Variants in NIPSNAP3B observed in about 807,000 individuals in gnomAD.
NIPSNAP3B encodes protein NipSnap homolog 3B.
A neutral mutation model predicts 31.5 loss-of-function variants in NIPSNAP3B; 30 were observed. That is an observed-to-expected ratio of 0.95 (90% CI 0.71 to 1.29). The LOEUF is 1.29. Among genes scored for constraint, NIPSNAP3B ranks in the 50% most tolerant of loss-of-function variants. The probability of loss-of-function intolerance (pLI) is 0.00; values close to 1 mark genes in which losing one functional copy is unlikely to be tolerated. For synonymous variants in NIPSNAP3B, 106 were observed against 107.9 expected (o/e 0.98, Z 0.11); for missense variants, 269 against 300.7 (o/e 0.89, Z 0.78).
At chr9:104,772,764 T>C (rs1324181721) in intron 4 of NIPSNAP3B, 58 bp from the exon 5 acceptor site, 44 of 1,539,224 alleles carry the variant, frequency 2.9e-5, no homozygotes, top group Non-Finnish European at 3.7e-5. Context: ...ACTTTTTCAA[T>C]ATTTCTTATT....
rs559479751 is a variant in NIPSNAP3B at position 104,768,791 on chromosome 9, G to C, written c.272-72G>C. Reference sequence around the variant, plus strand: ...TATGGCCTTGCACGTTTGCTGAACTGAGTAAAATTCAAGTAAAAATATGGG... The same window carrying C: ...TATGGCCTTGCACGTTTGCTGAACTCAGTAAAATTCAAGTAAAAATATGGG... On this transcript the variant is annotated intron_variant, in intron 2 of 5. Transcript: ENST00000374762. The C allele has an allele frequency of 1.5e-4, 211 of 1,397,194 alleles. No homozygotes were observed. In the African/African-American group the frequency reaches 2.9e-3, roughly 19 times the overall value. The allele number at this position is 1,397,194 out of a possible 1,614,324, so 86.5% of individuals were successfully genotyped here.
In NIPSNAP3B at chr9:104,769,453, CAAAAA is replaced by C. The variant is rs34083177; in HGVS notation, c.430+446_430+450del. Among the ~76,000 whole-genome samples the C allele has an allele frequency of 3.7e-5, 4 of 109,464 alleles. No individual in the cohort carries two copies. The South Asian group carries it at 9.1e-4, about 25-fold the overall frequency. 71.8% of individuals were successfully genotyped at this position (109,464 alleles called of 152,430 possible). ...TGGGCGACAGAGCGAGACTCCGTCT[CAAAAA>C]AAAAAAAAAAAAAGAGAATTAGAGT... is the stretch of plus-strand genomic sequence containing the variant. On this transcript the variant is annotated intron_variant, in intron 3 of 5. Transcript: ENST00000374762.
chr9:104,790,822 A>C, the NIPSNAP3B span: 1 of 840,216 alleles, frequency 1.2e-6, no homozygotes, highest in Non-Finnish European at 2.0e-6. Context: ...ATTTTTATGA[A>C]CTCTAAAAAT....
In NIPSNAP3B at chr9:104,768,986, T is replaced by TA. The variant is rs770788869; in HGVS notation, c.396dup (p.Pro133ThrfsTer15). On this transcript the variant is annotated frameshift_variant, in exon 3 of 6. Coordinates refer to ENST00000374762, the MANE Select transcript of NIPSNAP3B (RefSeq NM_018376.4). LOFTEE classifies it high-confidence loss of function. Reference sequence around the variant, plus strand: ...CAAGAGACGGAAATTACTTACCTGATACCATGGTCCAAATTAGAAAAGCCT... The same window carrying TA: ...CAAGAGACGGAAATTACTTACCTGATAACCATGGTCCAAATTAGAAAAGCCT... 1 of 1,613,762 alleles carries TA rather than the reference T, an allele frequency of 6.2e-7. No individual in the cohort carries two copies. Among genetic ancestry groups the TA allele is most frequent in the Non-Finnish European group, 8.5e-7 (1 of 1,179,816 alleles).
At position 104,770,903 on chromosome 9, in the gene NIPSNAP3B, G is replaced by T; in HGVS notation, c.485G>T (p.Gly162Val). 1 of 1,613,860 alleles carries T rather than the reference G, an allele frequency of 6.2e-7. No homozygotes were observed. The highest frequency in any genetic ancestry group is 8.5e-7 in the Non-Finnish European group (1 of 1,179,786). ...QMKPGGPALWGDAFERAINAH... is the reference protein window; with the variant it reads ...QMKPGGPALWVDAFERAINAH... ...AAACCTGGTGGGCCAGCTCTGTGGGGTGATGCATTTGAAAGAGCAATTAAT... is the reference window on the plus strand; with the variant it reads ...AAACCTGGTGGGCCAGCTCTGTGGGTTGATGCATTTGAAAGAGCAATTAAT... The change falls in exon 4 of 6, where the codon GGT becomes GTT. Residue 162 changes from glycine (G) to valine (V), a missense_variant. Gly to Val is a moderately radical substitution (Grantham distance 109). Coordinates refer to ENST00000374762, the MANE Select transcript of NIPSNAP3B (RefSeq NM_018376.4).
rs1019730343 is a variant in NIPSNAP3B at position 104,775,614 on chromosome 9, C to T, written c.*2541C>T. On this transcript the variant is annotated 3_prime_UTR_variant, in exon 6 of 6. Coordinates refer to ENST00000374762, the MANE Select transcript of NIPSNAP3B (RefSeq NM_018376.4). ...TCCAGTCCACACCTCTTTTCTGAAT[C>T]TTTTTTCAAATTCACACATGTGAAT... is the stretch of plus-strand genomic sequence containing the variant. Among the ~76,000 whole-genome samples the T allele has an allele frequency of 2.6e-5, 4 of 152,106 alleles. No individual in the cohort carries two copies. Among genetic ancestry groups the T allele is most frequent in the African/African-American group, 4.8e-5 (2 of 41,424 alleles).
At chr9:104,767,674 A>ATTT (rs1415854333) in intron 2 of NIPSNAP3B, among the ~76,000 whole-genome samples, 2 of 152,146 alleles carry the variant, frequency 1.3e-5, no homozygotes, top group African/African-American at 4.8e-5. Context: ...TTTATAATTC[A>ATTT]TTTATATGCT....
chr9:104,787,232 T>C, the NIPSNAP3B span, among the ~76,000 whole-genome samples: 1 of 152,140 alleles, frequency 6.6e-6, no homozygotes, highest in Admixed American at 6.5e-5. Context: ...TCCAAATAAA[T>C]AGGGAAGGAA....
rs767644119 is a variant in NIPSNAP3B at position 104,764,323 on chromosome 9, C to G, written c.60+23C>G. ...CAGGTACTGGCCGCGGGGGCGCGCC[C>G]GAGCCCTGGCCGGAGGGGAGGGGAG... On this transcript the variant is annotated intron_variant, in intron 1 of 5. Transcript: ENST00000374762. The G allele has an allele frequency of 5.8e-6, 9 of 1,562,260 alleles. No homozygotes were observed. The African/African-American group carries it at 8.2e-5, about 14-fold the overall frequency.
rs1313528158 is a variant in NIPSNAP3B at position 104,772,287 on chromosome 9, T to TGTCA, written c.581-535_581-534insGTCA. Among the ~76,000 whole-genome samples, 26 of 123,352 alleles carry TGTCA rather than the reference T, an allele frequency of 2.1e-4. 1 individual carries two copies. Among genetic ancestry groups the TGTCA allele is most frequent in the South Asian group, 2.1e-3 (8 of 3,902 alleles). The allele number at this position is 123,352 out of a possible 152,430, so 80.9% of individuals were successfully genotyped here. A position where few individuals can be genotyped will look rare whatever the true frequency, so the allele number is the denominator to read the frequency against. ...ATTTTTGTTTTTATCATGATTGTTT[T>TGTCA]TGGTGTCTTTGTCATTCAAAATTAA... On this transcript the variant is annotated intron_variant, in intron 4 of 5. Transcript: ENST00000374762.
rs1406571192 is a variant in NIPSNAP3B, at chr9:104,776,033, C to A, written c.*2960C>A. ...CAGTCAGAATAATCTAAAATATAAA[C>A]CAGATCATATCACTCCTCTGCTCAA... On this transcript the variant is annotated 3_prime_UTR_variant, in exon 6 of 6. Coordinates refer to ENST00000374762, the MANE Select transcript of NIPSNAP3B (RefSeq NM_018376.4). Among the ~76,000 whole-genome samples the A allele has an allele frequency of 6.6e-6, 1 of 152,128 alleles. No individual in the cohort carries two copies. Among genetic ancestry groups the A allele is most frequent in the Non-Finnish European group, 1.5e-5 (1 of 68,024 alleles).
In NIPSNAP3B at chr9:104,768,853, C is replaced by T; in HGVS notation, c.272-10C>T. On this transcript the variant is annotated splice_polypyrimidine_tract_variant and intron_variant, in intron 2 of 5. Transcript: ENST00000374762. ...AAAAAAACATTTTCTTAACTATTTT[C>T]CTCCCATAGATAATTTTGCTCATCG... 6.3e-7 allele frequency: 1 copy of T among 1,589,308 alleles called. No homozygotes were observed.
chr9:104,779,491 G>A (rs1271411130), downstream of NIPSNAP3B, among the ~76,000 whole-genome samples: 3 of 152,114 alleles, frequency 2.0e-5, no homozygotes, highest in South Asian at 4.1e-4. Flanking sequence ...ACCTTTGGAC[G>A]AGTTTCTTAT....
intron 4 of NIPSNAP3B, among the ~76,000 whole-genome samples, chr9:104,771,852 G>A (rs1005963922): frequency 3.3e-5 from 5 of 152,076 alleles, no homozygotes; most frequent in African/African-American, 7.2e-5. Context: ...CCAACAGGGT[G>A]TAAGTGTTCC....
chr9:104,764,326 G>A (rs1281520054), intron 1 of NIPSNAP3B, 26 bp downstream of exon 1: 4 of 1,558,876 alleles, frequency 2.6e-6, no homozygotes, highest in Non-Finnish European at 3.5e-6. Context: ...GCGCGCCCGA[G>A]CCCTGGCCGG....
the NIPSNAP3B span, among the ~76,000 whole-genome samples, chr9:104,790,150 T>C: frequency 6.6e-6 from 1 of 151,242 alleles, no homozygotes; most frequent in South Asian, 2.1e-4. Context: ...TAGAGTAACA[T>C]TATCTAAGAA....
intron 1 of NIPSNAP3B, among the ~76,000 whole-genome samples, chr9:104,765,800 A>AT (rs1802358723): frequency 6.6e-6 from 1 of 152,192 alleles, no homozygotes; most frequent in Non-Finnish European, 1.5e-5. Context: ...TCATCAGTAG[A>AT]TTCAGGAAAT....
chr9:104,769,372 T>C (rs1351316872), intron 3 of NIPSNAP3B, among the ~76,000 whole-genome samples: 1 of 143,924 alleles, frequency 6.9e-6, no homozygotes, highest in African/African-American at 2.6e-5. Flanking sequence ...GGGAATGGCG[T>C]GAACCCAGAA....
chr9:104,778,389 C>T (rs1564062017), downstream of NIPSNAP3B, among the ~76,000 whole-genome samples: 1 of 152,102 alleles, frequency 6.6e-6, no homozygotes, highest in African/African-American at 2.4e-5. Context: ...CACCACCATG[C>T]CCAGCTAATT....
Sources: gnomAD v4.1 joint callset for allele counts (sites outside exome capture counted in the v4.1 genomes callset) on GRCh38, gnomAD v4.1.1 for gene constraint, MANE v1.5 for transcripts, NCBI Gene and HGNC (gene_info 2026-07-23, HGNC 2026-07-21) for gene names.